NKPD1: variants seen among roughly 807,000 people sequenced by gnomAD.
NKPD1 encodes the protein NTPase KAP family P-loop domain-containing protein 1.
Under a neutral mutation model 42.2 loss-of-function variants are expected in NKPD1, and 37 were observed. That is an observed-to-expected ratio of 0.88 (90% CI 0.67 to 1.15). NKPD1 has a LOEUF of 1.15. Among genes scored for constraint, NKPD1 ranks in the 50% most tolerant of loss-of-function variants. The pLI, the probability that NKPD1 is intolerant of heterozygous loss-of-function variation, is 0.00. For missense variants in NKPD1, 1,113 were observed against 1,174.6 expected (o/e 0.95, Z 0.77); for synonymous variants, 552 against 536.5 (o/e 1.03, Z -0.40).
At chr19:45,160,254 G>A in intron 1 of NKPD1, 33 bp from the exon 2 acceptor site, 1 of 610,708 alleles carries the variant, frequency 1.6e-6, no homozygotes, top group Admixed American at 2.9e-5. Context: ...CTGAGGTCAG[G>A]GTCCCTGCCC....
chr19:45,159,534 T>G (rs1968968152), intron 2 of NKPD1, among the ~76,000 whole-genome samples: 1 of 150,988 alleles, frequency 6.6e-6, no homozygotes, highest in African/African-American at 2.4e-5. Flanking sequence ...GGGATTTGGG[T>G]GGGGGGTGGA....
rs1248017395 is a variant in NKPD1, at chr19:45,152,323, G to GT, written c.2113dup (p.Thr705AsnfsTer150). 4 of 1,609,448 alleles carry GT rather than the reference G, an allele frequency of 2.5e-6. No homozygotes were observed. Among genetic ancestry groups the GT allele is most frequent in the Non-Finnish European group, 2.5e-6 (3 of 1,177,998 alleles). On this transcript the variant is annotated frameshift_variant, in exon 5 of 5. Transcript: ENST00000686631. LOFTEE classifies it low-confidence loss of function (END_TRUNC). ...GTCGAGCACGTTCTGCAACGCCTTG[G>GT]TCATGGTGTGCAGCTCGCGGCTGTT...
rs1357068488 is a variant in NKPD1, at chr19:45,155,916, T to C, written c.530A>G (p.Asp177Gly). The change falls in exon 4 of 5, where the codon GAC (aspartate) becomes GGC (glycine). Residue 177 changes from aspartate (D) to glycine (G), a missense_variant and splice_region_variant. By Grantham distance (94) the Asp-to-Gly change is moderately conservative. This residue lies in a region of NKPD1 where 42 missense variants were observed against 76.7 expected (regional missense o/e 0.55). Coordinates refer to ENST00000686631, the MANE Select transcript of NKPD1 (RefSeq NM_198478.4). ...ACGSFTAYSS[D>G]ILTEDDVYCS... ...GTAGACGTCATCCTCTGTCAGGATG[T>C]CTGGTGGTTGGGAGTGGGGACACTG... 1 of 1,304,500 alleles carries C rather than the reference T, an allele frequency of 7.7e-7. No homozygotes were observed. Among genetic ancestry groups the C allele is most frequent in the Non-Finnish European group, 1.0e-6 (1 of 988,232 alleles). The allele number at this position is 1,304,500 out of a possible 1,614,324, so 80.8% of individuals were successfully genotyped here.
chr19:45,161,653 C>A (rs1969007775), upstream of NKPD1, among the ~76,000 whole-genome samples: 1 of 152,232 alleles, frequency 6.6e-6, no homozygotes, highest in Admixed American at 6.5e-5. Context: ...TACTCCCAGG[C>A]TCGCCAAGGC....
chr19:45,155,298 C>CA (rs1258204665), intron 4 of NKPD1, among the ~76,000 whole-genome samples: 1 of 151,504 alleles, frequency 6.6e-6, no homozygotes, highest in African/African-American at 2.4e-5. Flanking sequence ...AGCCTGGAGA[C>CA]AGAGCAAGAT....
chr19:45,153,218 G>C lies in NKPD1; in HGVS notation c.1219C>G (p.Gln407Glu), dbSNP rs754594886. Residue 407 changes from glutamine to glutamate, a missense_variant, in exon 5 of 5, where the codon CAG becomes GAG. Around this residue, in one of 3 missense-constraint regions of NKPD1, gnomAD observed 867 missense variants for 870.1 expected, o/e 1.00. Transcript: ENST00000686631. ...YSVGKHLFVSQRKKIERLVSR... is the reference protein window; with the variant it reads ...YSVGKHLFVSERKKIERLVSR... ...ACCAGCCGCTCGATCTTCTTGCGCT[G>C]GCTTACGAACAGGTGCTTGCCCACC... is the stretch of plus-strand genomic sequence containing the variant. The C allele has an allele frequency of 3.1e-6, 5 of 1,598,272 alleles. No homozygotes were observed. The highest frequency in any genetic ancestry group is 4.3e-6 in the Non-Finnish European group (5 of 1,173,278).
chr19:45,161,435 G>A (rs548448785), upstream of NKPD1, among the ~76,000 whole-genome samples: 13 of 152,308 alleles, frequency 8.5e-5, no homozygotes, highest in South Asian at 2.3e-3. Context: ...TTTACCTGGC[G>A]CTGTTCTAAA....
Position 45,151,836 on chromosome 19 carries a change from G to T in NKPD1, c.*102C>A. ...TCACCTGGGGGTGTGGGCCTCACAGGGCTCATTCGGACCCTGGGTTGCGGC... is the reference window on the plus strand; with the variant it reads ...TCACCTGGGGGTGTGGGCCTCACAGTGCTCATTCGGACCCTGGGTTGCGGC... On this transcript the variant is annotated 3_prime_UTR_variant, in exon 5 of 5. Coordinates refer to ENST00000686631, the MANE Select transcript of NKPD1 (RefSeq NM_198478.4). 7.8e-7 allele frequency: 1 copy of T among 1,275,130 alleles called. No homozygotes were observed. Among genetic ancestry groups the T allele is most frequent in the Non-Finnish European group, 1.0e-6 (1 of 953,276 alleles). 79.0% of individuals were successfully genotyped at this position (1,275,130 alleles called of 1,614,324 possible).
Position 45,151,864 on chromosome 19 carries a change from C to T in NKPD1, c.*74G>A. On this transcript the variant is annotated 3_prime_UTR_variant, in exon 5 of 5. Transcript: ENST00000686631. ...TCATTCGGACCCTGGGTTGCGGCCC[C>T]AGTCCAGCCCCCTATTCTCCCATCT... The T allele has an allele frequency of 7.1e-7, 1 of 1,417,018 alleles. No homozygotes were observed. Among genetic ancestry groups the T allele is most frequent in the Non-Finnish European group, 9.3e-7 (1 of 1,072,074 alleles). The allele number at this position is 1,417,018 out of a possible 1,614,324, so 87.8% of individuals were successfully genotyped here. A position where few individuals can be genotyped will look rare whatever the true frequency, so the allele number is the denominator to read the frequency against.
At position 45,158,907 on chromosome 19, in the gene NKPD1, G is replaced by GGGGCTGGGAGGTGA; in HGVS notation, c.271_284dup (p.Leu96HisfsTer61). The GGGGCTGGGAGGTGA allele has an allele frequency of 7.7e-7, 1 of 1,293,680 alleles. No individual in the cohort carries two copies. The highest frequency in any genetic ancestry group is 1.0e-6 in the Non-Finnish European group (1 of 983,900). The allele number at this position is 1,293,680 out of a possible 1,614,324, so 80.1% of individuals were successfully genotyped here. On this transcript the variant is annotated frameshift_variant, in exon 3 of 5. Transcript: ENST00000686631. LOFTEE classifies it high-confidence loss of function. This position sits in a 1 kb window ranked among gnomAD's most constrained non-coding sequence, Gnocchi z 4.6. ...GAATGGGGCAGAGCCGCTGCCGCAG[G>GGGGCTGGGAGGTGA]GGGCTGGGAGGTGAGGGCTGGGACT...
chr19:45,154,595 A>G (rs1182660790), intron 4 of NKPD1, among the ~76,000 whole-genome samples: 1 of 152,138 alleles, frequency 6.6e-6, no homozygotes, highest in East Asian at 1.9e-4. Context: ...TGCTCAATGG[A>G]CAGTCAGTAC....
intron 3 of NKPD1, among the ~76,000 whole-genome samples, chr19:45,157,719 C>CTTTT (rs34991759): frequency 0.064 from 5,354 of 83,258 alleles, 473 homozygotes; most frequent in Non-Finnish European, 0.096. Flanking sequence ...CCCAGACATA[C>CTTTT]TTTTTTTTTT....
Position 45,158,948 on chromosome 19 carries a change from G to A in NKPD1, c.244C>T (p.Gln82Ter). The A allele has an allele frequency of 7.7e-7, 1 of 1,300,050 alleles. No homozygotes were observed. Among genetic ancestry groups the A allele is most frequent in the Non-Finnish European group, 1.0e-6 (1 of 987,652 alleles). The allele number at this position is 1,300,050 out of a possible 1,614,324, so 80.5% of individuals were successfully genotyped here. The change falls in exon 3 of 5, where the codon CAG (glutamine) becomes TAG (stop). Residue 82 changes from glutamine (Q) to a stop codon, truncating the protein, a stop_gained. Transcript: ENST00000686631. LOFTEE classifies it high-confidence loss of function. The surrounding 1 kb of genome is among the most constrained non-coding windows in gnomAD (Gnocchi z 4.6). ...GGCTGGGACTGGGGCTGCCGCTGCTGCTGCAGGACGGAGGGCAGGAGGCCC... is the reference window on the plus strand; with the variant it reads ...GGCTGGGACTGGGGCTGCCGCTGCTACTGCAGGACGGAGGGCAGGAGGCCC... Reference protein sequence around the residue: ...RRGLLPSVLQQQRQPQSQPSP... With the variant: ...RRGLLPSVLQ
rs776706502 is a variant in NKPD1, at chr19:45,153,565, T to A, written c.872A>T (p.Lys291Met). ...FSAWQYAGTDKLWAGLVTTLC... is the reference protein window; with the variant it reads ...FSAWQYAGTDMLWAGLVTTLC... ...CGTGGTCACCAGGCCGGCCCACAGC[T>A]TGTCGGTGCCCGCGTACTGCCAGGC... is the stretch of plus-strand genomic sequence containing the variant. The change falls in exon 5 of 5, where the codon AAG becomes ATG. Residue 291 changes from lysine (K) to methionine (M), a missense_variant. Transcript: ENST00000686631. The A allele has an allele frequency of 6.4e-7, 1 of 1,555,444 alleles. No individual in the cohort carries two copies. The highest frequency in any genetic ancestry group is 8.7e-7 in the Non-Finnish European group (1 of 1,146,998).
rs1968823194 is a variant in NKPD1 at position 45,153,004 on chromosome 19, G to C, written c.1433C>G (p.Thr478Arg). 6.3e-7 allele frequency: 1 copy of C among 1,586,920 alleles called. No homozygotes were observed. Among genetic ancestry groups the C allele is most frequent in the Non-Finnish European group, 8.6e-7 (1 of 1,165,926 alleles). Reference sequence around the variant, plus strand: ...GGGCGCGTGGCTGTCGGACAGCAGCGTGTTGATGGCGTTGAGCACGCCCAC... The same window carrying C: ...GGGCGCGTGGCTGTCGGACAGCAGCCTGTTGATGGCGTTGAGCACGCCCAC... ...RVVGVLNAIN[T>R]LLSDSHAPFI... Residue 478 changes from threonine (T) to arginine (R), a missense_variant, in exon 5 of 5, where the codon ACG becomes AGG. By Grantham distance (71) the Thr-to-Arg change is moderately conservative. Coordinates refer to ENST00000686631, the MANE Select transcript of NKPD1 (RefSeq NM_198478.4).
rs374293704 is a variant in NKPD1 at position 45,154,844 on chromosome 19, G to T, written c.661+941C>A. Reference sequence around the variant, plus strand: ...GTTCAAGACCAGCCTGGCCAACACGGTGAAACCCCATCGCTACTAAAAATA... The same window carrying T: ...GTTCAAGACCAGCCTGGCCAACACGTTGAAACCCCATCGCTACTAAAAATA... On this transcript the variant is annotated intron_variant, in intron 4 of 4. Transcript: ENST00000686631. Among the ~76,000 whole-genome samples the T allele has an allele frequency of 2.0e-4, 30 of 152,140 alleles. 1 individual carries two copies. The East Asian group carries it at 2.3e-3, about 12-fold the overall frequency.
intron 2 of NKPD1, 81 bp downstream of exon 2, chr19:45,159,979 C>T: frequency 1.3e-6 from 1 of 756,460 alleles, no homozygotes; most frequent in Non-Finnish European, 1.9e-6. Flanking sequence ...GGGATGACAG[C>T]TCCCCTTCTG....
rs1006269807 is a variant in NKPD1 at position 45,151,788 on chromosome 19, A to G, written c.*150T>C. 5.0e-6 allele frequency: 4 copies of G among 795,666 alleles called. No homozygotes were observed. The highest frequency in any genetic ancestry group is 3.4e-5 in the Admixed American group (1 of 29,288). 49.3% of individuals were successfully genotyped at this position (795,666 alleles called of 1,614,324 possible). The stretch of plus-strand genomic sequence containing the variant: ...CTTGTGGCCGCACTCCTTGGAAGCT[A>G]TGTCCACGGCTCTGGCTCAGGTTCA... On this transcript the variant is annotated 3_prime_UTR_variant, in exon 5 of 5. Transcript: ENST00000686631.
chr19:45,152,979 G>T lies in NKPD1; in HGVS notation c.1458C>A (p.Pro486=), dbSNP rs775195813. The T allele has an allele frequency of 1.0e-5, 16 of 1,585,410 alleles. No homozygotes were observed. In the South Asian group the frequency reaches 1.8e-4, roughly 18 times the overall value. The change falls in exon 5 of 5, where the codon CCC becomes CCA. Residue 486 remains proline, a synonymous_variant. Coordinates refer to ENST00000686631, the MANE Select transcript of NKPD1 (RefSeq NM_198478.4). ...INTLLSDSHA[P]FIFILVVDPS... is the part of the protein sequence containing the mutation. ...GGTCCACGACCAGGATGAAGATGAA[G>T]GGCGCGTGGCTGTCGGACAGCAGCG...
Sources: gnomAD v4.1 joint callset for allele counts (sites outside exome capture counted in the v4.1 genomes callset) on GRCh38, gnomAD v4.1.1 for gene constraint, gnomAD v4.1.1 regional missense constraint, Gnocchi (gnomAD v3.1) non-coding constraint, MANE v1.5 for transcripts, NCBI Gene and HGNC (gene_info 2026-07-23, HGNC 2026-07-21) for gene names.